The following LARGE1 variants were observed in gnomAD, a reference collection of about 807,000 sequenced individuals.
The protein encoded by LARGE1 is LARGE xylosyl- and glucuronyltransferase 1.
In LARGE1, 43 loss-of-function variants were observed where a neutral mutation model predicts 87.6. The ratio of observed to expected loss-of-function variants is 0.49; its 90% confidence interval spans 0.38 to 0.63. The LOEUF is 0.63. Ranked by LOEUF, LARGE1 falls within the 30% of genes least tolerant of loss-of-function variation. The pLI is 0.00. For synonymous variants in LARGE1, 434 were observed against 394.6 expected, an observed-to-expected ratio of 1.10 and a Z score of -1.18; for missense variants, 802 against 1,000.2, an observed-to-expected ratio of 0.80 and a Z score of 2.67.
chr22:33,550,625 A>G (rs1335626433), intron 6 of LARGE1, among the ~76,000 whole-genome samples: 1 of 152,200 alleles, frequency 6.6e-6, no homozygotes, highest in African/African-American at 2.4e-5. Flanking sequence ...AATTAGAAGA[A>G]AACAGTATGG....
At chr22:33,798,493 G>A (rs1327520530) in intron 1 of LARGE1, among the ~76,000 whole-genome samples, 1 of 152,166 alleles carries the variant, frequency 6.6e-6, no homozygotes, top group Non-Finnish European at 1.5e-5. Context: ...CGGCTTGAAA[G>A]GGAGAGCTGA....
intron 11 of LARGE1, among the ~76,000 whole-genome samples, chr22:33,206,948 A>T (rs1374885107): frequency 6.6e-6 from 1 of 152,182 alleles, no homozygotes; most frequent in African/African-American, 2.4e-5. Flanking sequence ...TTATTTTTAT[A>T]TTCAATTCAA....
Position 33,456,707 on chromosome 22 carries a change from T to G in LARGE1, c.788-24442A>C, listed in dbSNP as rs564701779. Among the ~76,000 whole-genome samples the G allele has an allele frequency of 5.3e-5, 8 of 152,236 alleles. No homozygotes were observed. The East Asian group carries it at 1.2e-3, about 22-fold the overall frequency. ...TTTCAGTGACAGTGACCCAGTAACTTAGGTGTAAGTCTCCTCATGATGAAT... is the reference window on the plus strand; with the variant it reads ...TTTCAGTGACAGTGACCCAGTAACTGAGGTGTAAGTCTCCTCATGATGAAT... On this transcript the variant is annotated intron_variant, in intron 6 of 14. Transcript: ENST00000397394.
At chr22:33,919,036 T>A (rs1424416887) in intron 1 of LARGE1, among the ~76,000 whole-genome samples, 12 of 147,094 alleles carry the variant, frequency 8.2e-5, no homozygotes, top group Admixed American at 7.6e-4. Flanking sequence ...ATGGACTGAG[T>A]GACAAAATTC....
At chr22:33,769,710 G>C (rs2145803396) in intron 1 of LARGE1, among the ~76,000 whole-genome samples, 1 of 152,244 alleles carries the variant, frequency 6.6e-6, no homozygotes, top group African/African-American at 2.4e-5. Context: ...GCTTTTATGT[G>C]AAAGTGGAGC....
intron 9 of LARGE1, among the ~76,000 whole-genome samples, chr22:33,358,981 GA>G (rs1326732800): frequency 6.9e-6 from 1 of 145,694 alleles, no homozygotes; most frequent in East Asian, 2.0e-4. Context: ...CTGGGCGACA[GA>G]GTGAGACTCC....
intron 9 of LARGE1, among the ~76,000 whole-genome samples, chr22:33,341,048 C>G (rs1465677674): frequency 2.7e-5 from 4 of 148,832 alleles, no homozygotes; most frequent in Admixed American, 2.0e-4. Context: ...ATGTAATGGA[C>G]TATCTCCCAT....
At chr22:33,450,310 A>C (rs182089247) in intron 6 of LARGE1, among the ~76,000 whole-genome samples, 1 of 152,170 alleles carries the variant, frequency 6.6e-6, no homozygotes, top group African/African-American at 2.4e-5. Context: ...TTCTCATTTG[A>C]ATGATGAGAA....
At chr22:33,438,531 G>T (rs116601524) in intron 6 of LARGE1, among the ~76,000 whole-genome samples, 4,205 of 152,180 alleles carry the variant, frequency 0.028, 172 homozygotes, top group African/African-American at 0.096. Flanking sequence ...TTTTCTGCTG[G>T]GGCCCTGGTG....
intron 1 of LARGE1, among the ~76,000 whole-genome samples, chr22:33,873,645 C>A (rs184152726): frequency 9.3e-4 from 141 of 152,306 alleles, no homozygotes; most frequent in African/African-American, 3.1e-3. Flanking sequence ...CAACGTGCCT[C>A]TGTTTACCCA....
intron 11 of LARGE1, among the ~76,000 whole-genome samples, chr22:33,177,797 C>A (rs1013253782): frequency 2.0e-5 from 3 of 152,174 alleles, no homozygotes; most frequent in African/African-American, 7.2e-5. Context: ...CCACCCAAAT[C>A]TCTTCTCAAA....
At chr22:33,544,156 A>C (rs1341902325) in intron 6 of LARGE1, among the ~76,000 whole-genome samples, 6 of 152,148 alleles carry the variant, frequency 3.9e-5, no homozygotes, top group Admixed American at 2.0e-4. Flanking sequence ...AGGACTCTTG[A>C]AGTTTGAGCC....
At chr22:33,463,649 C>T (rs992592119) in intron 6 of LARGE1, among the ~76,000 whole-genome samples, 5 of 152,034 alleles carry the variant, frequency 3.3e-5, no homozygotes, top group African/African-American at 1.2e-4. Context: ...TTAAGAACAG[C>T]CAAGATTGTG....
At chr22:33,705,473 C>T (rs191408962) in intron 2 of LARGE1, among the ~76,000 whole-genome samples, 12 of 152,268 alleles carry the variant, frequency 7.9e-5, no homozygotes, top group African/African-American at 1.9e-4. Flanking sequence ...GCACTGCTCA[C>T]GTCTCTACTT....
intron 11 of LARGE1, among the ~76,000 whole-genome samples, chr22:33,190,407 T>A (rs1019783806): frequency 6.6e-6 from 1 of 152,194 alleles, no homozygotes; most frequent in Non-Finnish European, 1.5e-5. Flanking sequence ...GCAGCTGCAA[T>A]ACCACTCCAG....
At chr22:33,754,517 T>A (rs943315720) in intron 2 of LARGE1, among the ~76,000 whole-genome samples, 4 of 151,926 alleles carry the variant, frequency 2.6e-5, no homozygotes, top group Non-Finnish European at 4.4e-5. Flanking sequence ...TTTGTATTTT[T>A]AGTAGAGACG....
At chr22:33,488,174 T>C (rs1416754866) in intron 6 of LARGE1, among the ~76,000 whole-genome samples, 2 of 152,340 alleles carry the variant, frequency 1.3e-5, no homozygotes, top group East Asian at 1.9e-4. Context: ...ACTAGCCACA[T>C]GTGGCAATTT....
intron 6 of LARGE1, among the ~76,000 whole-genome samples, chr22:33,473,473 C>T (rs1377680952): frequency 6.6e-6 from 1 of 152,236 alleles, no homozygotes; most frequent in African/African-American, 2.4e-5. Flanking sequence ...CCTCAGCCTC[C>T]TGAGCAGCTG....
At chr22:33,180,476 A>G (rs1923103571) in intron 11 of LARGE1, among the ~76,000 whole-genome samples, 1 of 152,346 alleles carries the variant, frequency 6.6e-6, no homozygotes, top group Middle Eastern at 3.4e-3. Flanking sequence ...GGGAATGTAA[A>G]ACCTGCTAGT....
Sources: allele counts gnomAD v4.1 joint callset (sites outside exome capture counted in the v4.1 genomes callset), GRCh38; gene constraint gnomAD v4.1.1; transcripts MANE v1.5; gene names NCBI Gene and HGNC (gene_info 2026-07-23, HGNC 2026-07-21).